The following SENP7 variants were observed in gnomAD, a reference collection of about 807,000 sequenced individuals.
The protein encoded by SENP7 is sentrin-specific protease 7.
In SENP7, 64 loss-of-function variants were observed where a neutral mutation model predicts 141.2. The ratio of observed to expected loss-of-function variants is 0.45; its 90% CI spans 0.37 to 0.56. The LOEUF (loss-of-function observed/expected upper bound fraction) is 0.56, where lower values mean the gene tolerates loss of function less well. Ranked by LOEUF, SENP7 falls within the 20% of genes least tolerant of loss-of-function variation. The pLI is 0.00. For missense variants in SENP7, 1,025 were observed against 1,212.2 expected, an observed-to-expected ratio of 0.85 and a Z score of 2.29; for synonymous variants, 382 against 426.4, an observed-to-expected ratio of 0.90 and a Z score of 1.28.
intron 17 of SENP7, 46 bp downstream of exon 17, chr3:101,337,463 A>C: frequency 7.4e-7 from 1 of 1,345,432 alleles, no homozygotes; most frequent in South Asian, 1.4e-5. Flanking sequence ...CATCAAAAAT[A>C]GTACATTTTC....
chr3:101,416,741 A>C (rs2107653903), intron 5 of SENP7, among the ~76,000 whole-genome samples: 1 of 152,350 alleles, frequency 6.6e-6, no homozygotes, highest in East Asian at 1.9e-4. Flanking sequence ...ATGTTTTGAC[A>C]AGAATTCTAC....
chr3:101,429,692 G>T (rs932269918), intron 4 of SENP7, among the ~76,000 whole-genome samples: 1 of 152,010 alleles, frequency 6.6e-6, no homozygotes, highest in Admixed American at 6.6e-5. Flanking sequence ...TCTTTCTCTT[G>T]CCTGATTGCC....
chr3:101,502,859 C>T (rs12496260), intron 1 of SENP7, among the ~76,000 whole-genome samples: 102,903 of 150,888 alleles, frequency 0.68, 35,560 homozygotes, highest in African/African-American at 0.78. Flanking sequence ...ACAGCTGCAG[C>T]GAGCCATGAC....
intron 17 of SENP7, among the ~76,000 whole-genome samples, chr3:101,334,972 A>G (rs925578216): frequency 2.0e-5 from 3 of 152,188 alleles, no homozygotes; most frequent in Admixed American, 1.3e-4. Flanking sequence ...TGAGTTCCTA[A>G]TATGTTCCAA....
chr3:101,476,719 A>G (rs1015637981), intron 3 of SENP7, among the ~76,000 whole-genome samples: 1 of 152,236 alleles, frequency 6.6e-6, no homozygotes, highest in Non-Finnish European at 1.5e-5. Flanking sequence ...TCCCACCAAC[A>G]GTGTAAAAGC....
At chr3:101,437,202 G>A (rs536969764) in intron 4 of SENP7, among the ~76,000 whole-genome samples, 2 of 152,290 alleles carry the variant, frequency 1.3e-5, no homozygotes, top group Admixed American at 6.5e-5. Flanking sequence ...GAGAGTAGAA[G>A]GATGGTTACC....
chr3:101,411,103 A>G (rs2061445785), intron 5 of SENP7, among the ~76,000 whole-genome samples: 1 of 152,266 alleles, frequency 6.6e-6, no homozygotes, highest in Admixed American at 6.5e-5. Context: ...TTCTACCTCT[A>G]CACATTGATC....
chr3:101,390,686 C>G (rs1405422937), intron 6 of SENP7, among the ~76,000 whole-genome samples: 1 of 152,148 alleles, frequency 6.6e-6, no homozygotes, highest in Non-Finnish European at 1.5e-5. Flanking sequence ...CAGCAGTGGA[C>G]AGATCATCAA....
intron 3 of SENP7, among the ~76,000 whole-genome samples, chr3:101,479,892 CAAAAAAAA>C (rs1168285268): frequency 8.2e-4 from 6 of 7,346 alleles, no homozygotes; most frequent in Non-Finnish European, 6.8e-4. Context: ...ACAACAGCTA[CAAAAAAAA>C]AAAAAAAAAA....
intron 13 of SENP7, among the ~76,000 whole-genome samples, chr3:101,344,991 C>CAAAAAAAAAAAAAA (rs71132568): frequency 8.2e-5 from 5 of 61,342 alleles, no homozygotes; most frequent in Non-Finnish European, 8.4e-5. Context: ...AAAAAGAAAG[C>CAAAAAAAAAAAAAA]AAAAAAAAAA....
chr3:101,355,626 G>C (rs1459042834), intron 11 of SENP7, among the ~76,000 whole-genome samples: 4 of 152,156 alleles, frequency 2.6e-5, no homozygotes, highest in Non-Finnish European at 5.9e-5. Flanking sequence ...CTATAGCACA[G>C]TTTGAAGCTG....
intron 12 of SENP7, among the ~76,000 whole-genome samples, chr3:101,348,322 A>G (rs2059526594): frequency 6.6e-6 from 1 of 152,200 alleles, no homozygotes; most frequent in Non-Finnish European, 1.5e-5. Context: ...CTCACATTAT[A>G]TGATTTCAGT....
At chr3:101,462,381 A>C (rs2063575094) in intron 3 of SENP7, among the ~76,000 whole-genome samples, 1 of 152,012 alleles carries the variant, frequency 6.6e-6, no homozygotes, top group Non-Finnish European at 1.5e-5. Context: ...GTCTCTACTA[A>C]AAATACAAAA....
chr3:101,342,809 G>A (rs1351583378), intron 14 of SENP7, among the ~76,000 whole-genome samples: 1 of 151,972 alleles, frequency 6.6e-6, no homozygotes, highest in African/African-American at 2.4e-5. Flanking sequence ...GGGATTACAG[G>A]AATGCGCCAC....
intron 4 of SENP7, among the ~76,000 whole-genome samples, chr3:101,439,981 CG>C (rs2062588833): frequency 8.6e-5 from 7 of 80,928 alleles, no homozygotes; most frequent in South Asian, 5.0e-4. Flanking sequence ...CCAGCCGCCC[CG>C]TCTGGGAGGT....
At chr3:101,449,189 C>T (rs916140850) in intron 4 of SENP7, among the ~76,000 whole-genome samples, 53 of 152,052 alleles carry the variant, frequency 3.5e-4, no homozygotes, top group African/African-American at 1.2e-3. Context: ...TAAGAAGAAA[C>T]GAATAAAGCC....
chr3:101,462,541 C>CA (rs77403601), intron 3 of SENP7, among the ~76,000 whole-genome samples: 2,701 of 123,098 alleles, frequency 0.022, 103 homozygotes, highest in African/African-American at 0.076. Context: ...AACTCTGTCT[C>CA]AAAAAAAAAA....
chr3:101,471,501 T>C (rs919596870), intron 3 of SENP7, among the ~76,000 whole-genome samples: 6 of 152,074 alleles, frequency 3.9e-5, no homozygotes, highest in Non-Finnish European at 8.8e-5. Context: ...AAAAATTAAT[T>C]CAAGACGGAT....
At chr3:101,463,408 T>TATATACACATATATAC (rs2063654101) in intron 3 of SENP7, among the ~76,000 whole-genome samples, 3 of 119,912 alleles carry the variant, frequency 2.5e-5, no homozygotes, top group Non-Finnish European at 5.1e-5. Context: ...CATATATATA[T>TATATACACATATATAC]ATATATATAC....
Sources: allele counts gnomAD v4.1 joint callset (sites outside exome capture counted in the v4.1 genomes callset), GRCh38; gene constraint gnomAD v4.1.1; transcripts MANE v1.5; gene names NCBI Gene and HGNC (gene_info 2026-07-23, HGNC 2026-07-21).